The following TBCD variants were observed in gnomAD, a reference collection of about 807,000 sequenced individuals.
TBCD encodes the protein tubulin folding cofactor D.
In TBCD, 105 loss-of-function variants were observed where a neutral mutation model predicts 169.3. The ratio of observed to expected loss-of-function variants is 0.62; its 90% CI spans 0.53 to 0.73. TBCD has a LOEUF of 0.73. Among genes scored for constraint, TBCD ranks in the 30% least tolerant of loss-of-function variants. TBCD has a pLI of 0.00. For missense variants in TBCD, 1,444 were observed against 1,600.1 expected (o/e 0.90, Z 1.66); for synonymous variants, 700 against 643.9 (o/e 1.09, Z -1.32).
chr17:82,903,089 A>G lies in TBCD; in HGVS notation c.1731-316A>G, dbSNP rs1003132961. Among the ~76,000 whole-genome samples, 1 of 152,138 alleles carries G rather than the reference A, an allele frequency of 6.6e-6. No homozygotes were observed. Among genetic ancestry groups the G allele is most frequent in the African/African-American group, 2.4e-5 (1 of 41,438 alleles). On this transcript the variant is annotated intron_variant, in intron 18 of 38. Transcript: ENST00000355528. This position sits in a 1 kb window ranked among gnomAD's most constrained non-coding sequence, Gnocchi z 4.8. Reference sequence around the variant, plus strand: ...TGGAGGGGTGGTTTCACGTGGCTCTATCTCACACTCACAACCTCAGAGTAG... The same window carrying G: ...TGGAGGGGTGGTTTCACGTGGCTCTGTCTCACACTCACAACCTCAGAGTAG...
chr17:82,899,322 C>T (rs536587091), intron 17 of TBCD, among the ~76,000 whole-genome samples: 173 of 151,238 alleles, frequency 1.1e-3, no homozygotes, highest in African/African-American at 3.5e-3. Context: ...GTCCTCAGCG[C>T]GCGCGTCCTC....
rs143952149 is a variant in TBCD at position 82,935,108 on chromosome 17, C to G, written c.3192-2163C>G. On this transcript the variant is annotated intron_variant, in intron 34 of 38. Coordinates refer to ENST00000355528, the MANE Select transcript of TBCD (RefSeq NM_005993.5). ...CAAGATAGGATGGTAGAGAAAATAC[C>G]TCCTGCCATGTCCTGCTATGAATAC... Among the ~76,000 whole-genome samples, 4 of 152,164 alleles carry G rather than the reference C, an allele frequency of 2.6e-5. No homozygotes were observed. The East Asian group carries it at 7.7e-4, about 29-fold the overall frequency.
At chr17:82,928,436 G>A (rs1448054395) in intron 30 of TBCD, among the ~76,000 whole-genome samples, 1 of 152,160 alleles carries the variant, frequency 6.6e-6, no homozygotes, top group African/African-American at 2.4e-5. Flanking sequence ...TCTGTCGGGG[G>A]CACGGGGTTG....
intron 13 of TBCD, among the ~76,000 whole-genome samples, chr17:82,850,057 G>GTGCTGCTGTTGC (rs2055574659): frequency 5.5e-5 from 2 of 36,494 alleles, no homozygotes; most frequent in African/African-American, 9.1e-5. Context: ...GCTGTTGTTG[G>GTGCTGCTGTTGC]CTGTGCTGCT....
At chr17:82,906,083 G>A in intron 20 of TBCD, 30 bp downstream of exon 20, 1 of 1,512,520 alleles carries the variant, frequency 6.6e-7, no homozygotes, top group East Asian at 2.3e-5. Context: ...AGGAGACACA[G>A]GGCTCTGTCC....
chr17:82,803,968 G>A (rs1031786380), intron 9 of TBCD, among the ~76,000 whole-genome samples: 2 of 149,984 alleles, frequency 1.3e-5, no homozygotes, highest in African/African-American at 4.9e-5. Flanking sequence ...ACTGGGGGCT[G>A]GGGTGTGCCT....
intron 3 of TBCD, among the ~76,000 whole-genome samples, chr17:82,765,615 G>C (rs965180772): frequency 6.6e-6 from 1 of 152,224 alleles, no homozygotes; most frequent in Admixed American, 6.5e-5. Context: ...GGACACGCAG[G>C]CCTCTGTAGC....
At chr17:82,762,226 A>T (rs1241017430) in intron 2 of TBCD, among the ~76,000 whole-genome samples, 1 of 147,074 alleles carries the variant, frequency 6.8e-6, no homozygotes, top group African/African-American at 2.5e-5. Flanking sequence ...TGAGGCAGGA[A>T]AATTGCTTGA....
Position 82,890,918 on chromosome 17 carries a change from G to A in TBCD, c.1563+1221G>A, listed in dbSNP as rs1485221777. On this transcript the variant is annotated intron_variant, in intron 16 of 38. Coordinates refer to ENST00000355528, the MANE Select transcript of TBCD (RefSeq NM_005993.5). The surrounding 1 kb of genome is among the most constrained non-coding windows in gnomAD (Gnocchi z 5.3). ...TGCTGTGAGGAAGAAGGAGCTTGTT[G>A]GAAACCACTTAGCTGAGCCTAGGGA... 6.6e-6 allele frequency among the ~76,000 whole-genome samples: 1 copy of A among 152,198 alleles called. No individual in the cohort carries two copies. The highest frequency in any genetic ancestry group is 1.5e-5 in the Non-Finnish European group (1 of 68,034).
chr17:82,932,803 T>A, intron 34 of TBCD, 68 bp downstream of exon 34: 1 of 1,491,394 alleles, frequency 6.7e-7, no homozygotes, highest in South Asian at 1.2e-5. Context: ...AAAGAAAAAG[T>A]CATCAGACAC....
At chr17:82,846,312 C>CGTCCTCTGTGCCGTGTCCTCTT (rs1555613078) in intron 13 of TBCD, among the ~76,000 whole-genome samples, 2,516 of 112,280 alleles carry the variant, frequency 0.022, 78 homozygotes, top group Non-Finnish European at 0.033. Flanking sequence ...CCACGTGCTG[C>CGTCCTCTGTGCCGTGTCCTCTT]GTCCAGCGTG....
chr17:82,937,514 G>T (rs553063470), intron 35 of TBCD, 154 bp downstream of exon 35: 1 of 691,754 alleles, frequency 1.4e-6, no homozygotes, highest in Non-Finnish European at 2.4e-6. Flanking sequence ...CAAAGCAGTC[G>T]CAATGGGAGG....
chr17:82,847,193 T>C (rs1004692636), intron 13 of TBCD, among the ~76,000 whole-genome samples: 2 of 149,824 alleles, frequency 1.3e-5, no homozygotes, highest in Non-Finnish European at 3.0e-5. Flanking sequence ...CTACTAAAAA[T>C]ACACAAAAAA....
At chr17:82,927,813 C>A in intron 29 of TBCD, 92 bp from the exon 30 acceptor site, 5 of 1,144,760 alleles carry the variant, frequency 4.4e-6, no homozygotes, top group South Asian at 4.0e-5. Flanking sequence ...TCACGGGTGT[C>A]GAATTCACAC....
chr17:82,900,300 T>C (rs186191681), intron 17 of TBCD, among the ~76,000 whole-genome samples: 98 of 152,346 alleles, frequency 6.4e-4, no homozygotes, highest in African/African-American at 2.1e-3. Flanking sequence ...TGTGCACTCA[T>C]TTTGTCAGTC....
At position 82,942,475 on chromosome 17, in the gene TBCD, G is replaced by C. The variant is rs1363460140; in HGVS notation, c.*12G>C. ...CTGGTGCCTGCTGAAGCCAGTCCTG[G>C]AGCCCATACCTCACCCCTGCCTGGT... is the stretch of plus-strand genomic sequence containing the variant. On this transcript the variant is annotated 3_prime_UTR_variant, in exon 39 of 39. Transcript: ENST00000355528. 1 of 1,613,986 alleles carries C rather than the reference G, an allele frequency of 6.2e-7. No homozygotes were observed. Among genetic ancestry groups the C allele is most frequent in the Non-Finnish European group, 8.5e-7 (1 of 1,179,892 alleles).
At chr17:82,841,948 G>A (rs1410261488) in intron 13 of TBCD, among the ~76,000 whole-genome samples, 4 of 152,236 alleles carry the variant, frequency 2.6e-5, no homozygotes, top group African/African-American at 7.2e-5. Flanking sequence ...GTGGTCAGCT[G>A]TATGATGGCT....
At position 82,930,831 on chromosome 17, in the gene TBCD, G is replaced by A. The variant is rs1362325504; in HGVS notation, c.3113+188G>A. Among the ~76,000 whole-genome samples the A allele has an allele frequency of 2.6e-5, 4 of 152,224 alleles. No homozygotes were observed. The East Asian group carries it at 7.7e-4, about 29-fold the overall frequency. On this transcript the variant is annotated intron_variant, in intron 33 of 38. Coordinates refer to ENST00000355528, the MANE Select transcript of TBCD (RefSeq NM_005993.5). The surrounding 1 kb of genome is among the most constrained non-coding windows in gnomAD (Gnocchi z 5.2). Reference sequence around the variant, plus strand: ...AGCATATGGTTCTCCGGGCGGCCAGGCCTCAGCCCCTGCGCCTCCTCTTCT... The same window carrying A: ...AGCATATGGTTCTCCGGGCGGCCAGACCTCAGCCCCTGCGCCTCCTCTTCT...
intron 12 of TBCD, among the ~76,000 whole-genome samples, chr17:82,814,380 C>T (rs1421477811): frequency 6.6e-6 from 1 of 152,196 alleles, no homozygotes; most frequent in Non-Finnish European, 1.5e-5. Flanking sequence ...TGGGACGGCA[C>T]AGACGGGACG....
Sources: allele counts gnomAD v4.1 joint callset (sites outside exome capture counted in the v4.1 genomes callset), GRCh38; gene constraint gnomAD v4.1.1; non-coding constraint Gnocchi (gnomAD v3.1); transcripts MANE v1.5; gene names NCBI Gene and HGNC (gene_info 2026-07-23, HGNC 2026-07-21).